The following MYLK variants were observed in gnomAD, a reference collection of about 807,000 sequenced individuals.
MYLK encodes myosin light chain kinase.
Under a neutral mutation model 203.4 loss-of-function variants are expected in MYLK, and 106 were observed. That is an observed-to-expected ratio of 0.52 (90% CI 0.45 to 0.61). The LOEUF (loss-of-function observed/expected upper bound fraction) is 0.61. Ranked by LOEUF, MYLK falls within the 20% of genes least tolerant of loss-of-function variation. The pLI is 0.00. For missense variants in MYLK, 2,072 were observed against 2,442.3 expected (o/e 0.85, Z 3.20); for synonymous variants, 867 against 959.5 (o/e 0.90, Z 1.78).
At chr3:123,730,832 T>C (rs577673504) in intron 11 of MYLK, among the ~76,000 whole-genome samples, 1 of 152,278 alleles carries the variant, frequency 6.6e-6, no homozygotes, top group South Asian at 2.1e-4. Context: ...AATCAGATGA[T>C]GGTGATGGCC....
intron 2 of MYLK, among the ~76,000 whole-genome samples, chr3:123,868,212 C>T (rs1474764974): frequency 6.6e-6 from 1 of 152,062 alleles, no homozygotes; most frequent in Non-Finnish European, 1.5e-5. Context: ...AAATGGGAAC[C>T]ATCCTTCTAA....
At chr3:123,837,332 G>C (rs188703411) in intron 2 of MYLK, among the ~76,000 whole-genome samples, 1 of 151,894 alleles carries the variant, frequency 6.6e-6, no homozygotes, top group Non-Finnish European at 1.5e-5. Context: ...TGCCCAGCCT[G>C]TAACATTTCC....
At chr3:123,822,053 T>C (rs2065955946) in intron 3 of MYLK, among the ~76,000 whole-genome samples, 1 of 152,178 alleles carries the variant, frequency 6.6e-6, no homozygotes, top group Non-Finnish European at 1.5e-5. Flanking sequence ...CCAACCCTCC[T>C]CTTGCTCTCT....
At chr3:123,712,626 T>G (rs2061741369) in intron 13 of MYLK, among the ~76,000 whole-genome samples, 1 of 152,166 alleles carries the variant, frequency 6.6e-6, no homozygotes, top group Non-Finnish European at 1.5e-5. Context: ...CCCTGGGAGC[T>G]CAGAAGTATG....
chr3:123,666,493 G>T, intron 21 of MYLK, 147 bp from the exon 22 acceptor site: 2 of 1,145,774 alleles, frequency 1.7e-6, no homozygotes, highest in Non-Finnish European at 2.5e-6. Context: ...TGATCCTGCT[G>T]CAGGACATCC....
At chr3:123,742,143 G>C (rs1483033618) in intron 5 of MYLK, among the ~76,000 whole-genome samples, 1 of 152,150 alleles carries the variant, frequency 6.6e-6, no homozygotes. Flanking sequence ...CCTCTCCCCA[G>C]CTCCATCTAA....
intron 24 of MYLK, among the ~76,000 whole-genome samples, chr3:123,653,986 T>TTG (rs752791805): frequency 0.081 from 11,201 of 137,530 alleles, 534 homozygotes; most frequent in Middle Eastern, 0.14. Flanking sequence ...CAGAGGGATG[T>TTG]TGTGTGTGTG....
intron 22 of MYLK, among the ~76,000 whole-genome samples, chr3:123,665,383 G>A (rs2108333479): frequency 6.6e-6 from 1 of 152,294 alleles, no homozygotes; most frequent in Admixed American, 6.5e-5. Flanking sequence ...ATGTCGCTCA[G>A]GGCAAACATG....
chr3:123,738,549 G>A (rs2062755651), intron 7 of MYLK, among the ~76,000 whole-genome samples: 1 of 152,156 alleles, frequency 6.6e-6, no homozygotes, highest in Non-Finnish European at 1.5e-5. Flanking sequence ...TTGAAATGTA[G>A]CTCCCATAAT....
Position 123,610,133 on chromosome 3 carries a change from T to C in MYLK, c.*3972A>G, listed in dbSNP as rs7648614. Reference sequence around the variant, plus strand: ...GACTTTCACACAAGCTTTTCAGTTTTAATTTCACATAATTTGAAAAGTGAT... The same window carrying C: ...GACTTTCACACAAGCTTTTCAGTTTCAATTTCACATAATTTGAAAAGTGAT... On this transcript the variant is annotated 3_prime_UTR_variant, in exon 34 of 34. Coordinates refer to ENST00000360304, the MANE Select transcript of MYLK (RefSeq NM_053025.4). The C allele has an allele frequency of 0.096, 14,581 of 152,318 alleles. 789 individuals are homozygous for C. Among genetic ancestry groups the C allele is most frequent in the Middle Eastern group, 0.15 (45 of 294 alleles). The allele number at this position is 152,318 out of a possible 1,614,324, so 9.4% of individuals were successfully genotyped here. A position where few individuals can be genotyped will look rare whatever the true frequency, so the allele number is the denominator to read the frequency against.
chr3:123,753,093 C>T (rs1408972424), intron 4 of MYLK, among the ~76,000 whole-genome samples: 1 of 152,198 alleles, frequency 6.6e-6, no homozygotes, highest in Non-Finnish European at 1.5e-5. Flanking sequence ...CTGCCCAGCA[C>T]GGTAGCCACT....
At chr3:123,685,224 T>G (rs979023228) in intron 19 of MYLK, among the ~76,000 whole-genome samples, 1 of 152,226 alleles carries the variant, frequency 6.6e-6, no homozygotes, top group African/African-American at 2.4e-5. Context: ...AGGGAATCAC[T>G]TATTTTCTCT....
chr3:123,672,907 C>T (rs573000013), intron 20 of MYLK, among the ~76,000 whole-genome samples: 1 of 152,142 alleles, frequency 6.6e-6, no homozygotes, highest in Non-Finnish European at 1.5e-5. Context: ...TCAGAGGGAG[C>T]ATTTCACTTG....
chr3:123,762,266 GTT>G (rs1321499727), intron 4 of MYLK, among the ~76,000 whole-genome samples: 6 of 149,652 alleles, frequency 4.0e-5, no homozygotes, highest in Admixed American at 1.3e-4. Context: ...GTCTCACTTT[GTT>G]ACCTAGGCTG....
At chr3:123,839,849 T>C (rs1283101810) in intron 2 of MYLK, among the ~76,000 whole-genome samples, 1 of 152,160 alleles carries the variant, frequency 6.6e-6, no homozygotes, top group African/African-American at 2.4e-5. Flanking sequence ...ATAGAAATAT[T>C]CTCTGATCGT....
At position 123,653,259 on chromosome 3, in the gene MYLK, G is replaced by A. The variant is rs1259457507; in HGVS notation, c.4288+3867C>T. ...TGCCAACACACACACACACACGTGC[G>A]TGAACACACACGCCACTTCCCTGAG... is the stretch of plus-strand genomic sequence containing the variant. On this transcript the variant is annotated intron_variant, in intron 24 of 33. Transcript: ENST00000360304. Among the ~76,000 whole-genome samples, 3 of 152,152 alleles carry A rather than the reference G, an allele frequency of 2.0e-5. No homozygotes were observed. The East Asian group carries it at 5.8e-4, about 29-fold the overall frequency.
At chr3:123,849,999 T>C (rs2030557991) in intron 2 of MYLK, among the ~76,000 whole-genome samples, 1 of 152,178 alleles carries the variant, frequency 6.6e-6, no homozygotes, top group Non-Finnish European at 1.5e-5. Flanking sequence ...CGGTGTTTGG[T>C]TTTTTGTCCT....
chr3:123,725,327 C>A (rs530519988), intron 12 of MYLK, among the ~76,000 whole-genome samples: 1 of 152,264 alleles, frequency 6.6e-6, no homozygotes, highest in African/African-American at 2.4e-5. Flanking sequence ...TTCTCCCACA[C>A]TGTTGAAATT....
At chr3:123,853,748 A>C (rs766373100) in intron 2 of MYLK, among the ~76,000 whole-genome samples, 1 of 152,154 alleles carries the variant, frequency 6.6e-6, no homozygotes. Flanking sequence ...TAAATAAGAC[A>C]GAGAGCTTAG....
Sources: gnomAD v4.1 joint callset for allele counts (sites outside exome capture counted in the v4.1 genomes callset) on GRCh38, gnomAD v4.1.1 for gene constraint, MANE v1.5 for transcripts, NCBI Gene and HGNC (gene_info 2026-07-23, HGNC 2026-07-21) for gene names.